Variants in NTM observed in about 807,000 individuals in gnomAD.
NTM encodes IgLON family member 2.
Under a neutral mutation model 42.1 loss-of-function variants are expected in NTM, and 13 were observed. The ratio of observed to expected loss-of-function variants is 0.31; its 90% CI spans 0.20 to 0.49. The LOEUF is 0.49. Ranked by LOEUF, NTM falls within the 20% of genes least tolerant of loss-of-function variation. NTM has a pLI of 0.99. For missense variants in NTM, 373 were observed against 452.8 expected, an observed-to-expected ratio of 0.82 and a Z score of 1.60; for synonymous variants, 187 against 179.2, an observed-to-expected ratio of 1.04 and a Z score of -0.35.
At chr11:132,082,828 G>A (rs1470346804) in intron 2 of NTM, among the ~76,000 whole-genome samples, 1 of 152,198 alleles carries the variant, frequency 6.6e-6, no homozygotes, top group Admixed American at 6.5e-5. Context: ...GAGTTTGATA[G>A]CCTGAAGCCA....
intron 1 of NTM, among the ~76,000 whole-genome samples, chr11:131,379,174 T>C (rs543873132): frequency 1.5e-3 from 230 of 152,276 alleles, no homozygotes; most frequent in African/African-American, 5.3e-3. Flanking sequence ...GGAGGGAGGC[T>C]CAGAGGGACT....
intron 7 of NTM, among the ~76,000 whole-genome samples, chr11:132,322,348 T>A (rs1273264764): frequency 2.7e-5 from 4 of 148,194 alleles, no homozygotes; most frequent in Non-Finnish European, 3.0e-5. Flanking sequence ...ACCAAGCAAA[T>A]GGAAAAGAAA....
chr11:131,942,243 G>A (rs1310221619), intron 2 of NTM, among the ~76,000 whole-genome samples: 1 of 152,178 alleles, frequency 6.6e-6, no homozygotes, highest in Non-Finnish European at 1.5e-5. Context: ...CTAAATCCCT[G>A]CAAACTAACA....
chr11:131,894,588 C>T (rs1301873732), intron 1 of NTM, among the ~76,000 whole-genome samples: 1 of 152,150 alleles, frequency 6.6e-6, no homozygotes, highest in Non-Finnish European at 1.5e-5. Context: ...AACCCACAGG[C>T]TTCCATCTGC....
intron 3 of NTM, among the ~76,000 whole-genome samples, chr11:132,196,990 G>A (rs2080329512): frequency 1.3e-5 from 2 of 152,206 alleles, no homozygotes; most frequent in African/African-American, 2.4e-5. Flanking sequence ...TGGCCTGTGA[G>A]AGTGAAGCTC....
chr11:131,611,731 C>T (rs556437894), intron 1 of NTM, among the ~76,000 whole-genome samples: 17 of 152,152 alleles, frequency 1.1e-4, no homozygotes, highest in African/African-American at 2.9e-4. Context: ...GGCTGCAATT[C>T]GGTGGTGGAA....
chr11:132,242,601 G>GT (rs778653579), intron 4 of NTM, among the ~76,000 whole-genome samples: 1 of 152,178 alleles, frequency 6.6e-6, no homozygotes, highest in Non-Finnish European at 1.5e-5. Flanking sequence ...CCTGGGCTGG[G>GT]TTTGCACCGC....
At chr11:131,923,393 T>G (rs1477854244) in intron 2 of NTM, among the ~76,000 whole-genome samples, 2 of 152,192 alleles carry the variant, frequency 1.3e-5, no homozygotes, top group Non-Finnish European at 2.9e-5. Flanking sequence ...TTATTTATCT[T>G]TTACTAGAAA....
At chr11:131,817,161 T>C (rs983061379) in intron 1 of NTM, among the ~76,000 whole-genome samples, 2 of 152,208 alleles carry the variant, frequency 1.3e-5, no homozygotes, top group African/African-American at 2.4e-5. Flanking sequence ...CTCTCCATGA[T>C]TACTCAGTCT....
At chr11:131,645,814 A>G (rs1235570288) in intron 1 of NTM, among the ~76,000 whole-genome samples, 1 of 152,224 alleles carries the variant, frequency 6.6e-6, no homozygotes, top group Non-Finnish European at 1.5e-5. Flanking sequence ...ACATGGGGTT[A>G]TATGGAGCAT....
intron 1 of NTM, among the ~76,000 whole-genome samples, chr11:131,735,352 A>G (rs576405358): frequency 3.5e-4 from 54 of 152,306 alleles, no homozygotes; most frequent in Middle Eastern, 6.8e-3. Flanking sequence ...CCTCCATCGG[A>G]AACATAGATG....
intron 1 of NTM, among the ~76,000 whole-genome samples, chr11:131,737,240 T>C (rs1174562718): frequency 6.6e-6 from 1 of 152,112 alleles, no homozygotes; most frequent in Non-Finnish European, 1.5e-5. Flanking sequence ...CAATAAAGGC[T>C]GAGGAAGGAA....
intron 1 of NTM, among the ~76,000 whole-genome samples, chr11:131,376,995 G>T (rs1199436732): frequency 1.3e-5 from 2 of 152,164 alleles, no homozygotes. Context: ...CTCAGATTTG[G>T]TTTGGCTTGG....
intron 3 of NTM, among the ~76,000 whole-genome samples, chr11:132,191,915 G>T (rs986746044): frequency 6.6e-6 from 1 of 152,124 alleles, no homozygotes; most frequent in African/African-American, 2.4e-5. Flanking sequence ...GCTGAGGAAA[G>T]AATATCAGAG....
chr11:131,439,770 G>A (rs61901894), intron 1 of NTM, among the ~76,000 whole-genome samples: 20,461 of 152,150 alleles, frequency 0.13, 1,556 homozygotes, highest in South Asian at 0.18. Context: ...CTTCTCAGGT[G>A]AGGCGATGCC....
intron 2 of NTM, among the ~76,000 whole-genome samples, chr11:131,927,355 G>T (rs1459835399): frequency 6.6e-6 from 1 of 152,126 alleles, no homozygotes; most frequent in Non-Finnish European, 1.5e-5. Context: ...TTAGTAGTTG[G>T]TGCTGGGCTC....
chr11:131,650,304 T>C (rs1455118316), intron 1 of NTM, among the ~76,000 whole-genome samples: 1 of 152,202 alleles, frequency 6.6e-6, no homozygotes, highest in Non-Finnish European at 1.5e-5. Flanking sequence ...ACAGGTGTGC[T>C]AGTCAAGAGG....
intron 1 of NTM, among the ~76,000 whole-genome samples, chr11:131,647,032 C>T (rs992930103): frequency 1.3e-5 from 2 of 152,188 alleles, no homozygotes; most frequent in African/African-American, 4.8e-5. Flanking sequence ...CCCAGGCCTT[C>T]GGCTGTGTGT....
chr11:131,851,576 T>C (rs569311000), intron 1 of NTM, among the ~76,000 whole-genome samples: 1 of 144,458 alleles, frequency 6.9e-6, no homozygotes, highest in South Asian at 2.2e-4. Context: ...TGTGGCCAAG[T>C]GGAGGTGGAC....
Sources: gnomAD v4.1 joint callset for allele counts (sites outside exome capture counted in the v4.1 genomes callset) on GRCh38, gnomAD v4.1.1 for gene constraint, MANE v1.5 for transcripts, NCBI Gene and HGNC (gene_info 2026-07-23, HGNC 2026-07-21) for gene names.